The following GRID2 variants were observed in gnomAD, a reference collection of about 807,000 sequenced individuals.
The protein encoded by GRID2 is glutamate receptor ionotropic, delta-2.
In GRID2, 33 loss-of-function variants were observed where a neutral mutation model predicts 114.8. The observed-to-expected ratio is 0.29, with a 90% CI of 0.22 to 0.38. The LOEUF is 0.38. Ranked by LOEUF, GRID2 falls within the 10% of genes least tolerant of loss-of-function variation. The pLI, the probability that GRID2 is intolerant of heterozygous loss-of-function variation, is 1.00. For missense variants in GRID2, 1,184 were observed against 1,257.7 expected, an observed-to-expected ratio of 0.94 and a Z score of 0.89; for synonymous variants, 505 against 449.9, an observed-to-expected ratio of 1.12 and a Z score of -1.55.
At chr4:92,518,977 A>C (rs1724641783) in intron 1 of GRID2, among the ~76,000 whole-genome samples, 1 of 151,872 alleles carries the variant, frequency 6.6e-6, no homozygotes, top group African/African-American at 2.4e-5. Flanking sequence ...GATACTGGAT[A>C]ATTTTCTGAC....
chr4:92,585,510 T>C (rs567165359), intron 1 of GRID2, among the ~76,000 whole-genome samples: 3 of 152,152 alleles, frequency 2.0e-5, no homozygotes, highest in East Asian at 3.9e-4. Context: ...GATGATATGC[T>C]ATTGATTTGC....
intron 13 of GRID2, among the ~76,000 whole-genome samples, chr4:93,591,303 A>G (rs1358297215): frequency 6.6e-6 from 1 of 151,920 alleles, no homozygotes. Context: ...TTCTGCATCT[A>G]TTGATATAAT....
chr4:92,476,399 C>T (rs1023439998), intron 1 of GRID2, among the ~76,000 whole-genome samples: 3 of 152,044 alleles, frequency 2.0e-5, no homozygotes, highest in Non-Finnish European at 4.4e-5. Context: ...TATTTAAACA[C>T]GACAACAATC....
chr4:93,032,645 A>G (rs1560812799), intron 2 of GRID2, among the ~76,000 whole-genome samples: 1 of 152,210 alleles, frequency 6.6e-6, no homozygotes. Context: ...AAGCAATCCA[A>G]TGCATTTATT....
chr4:92,731,402 G>C (rs1490940112), intron 2 of GRID2, among the ~76,000 whole-genome samples: 2 of 151,808 alleles, frequency 1.3e-5, no homozygotes. Context: ...CAACAACCTA[G>C]TAAAGTAGCA....
chr4:92,381,993 A>C (rs1350471913), intron 1 of GRID2, among the ~76,000 whole-genome samples: 1 of 151,946 alleles, frequency 6.6e-6, no homozygotes, highest in Non-Finnish European at 1.5e-5. Context: ...CTAAGTGGAA[A>C]TAGGATTTTT....
chr4:92,863,309 T>C (rs1013492851), intron 2 of GRID2, among the ~76,000 whole-genome samples: 1 of 152,128 alleles, frequency 6.6e-6, no homozygotes, highest in Non-Finnish European at 1.5e-5. Flanking sequence ...CTCTTTGTGC[T>C]CCTCTCTGTA....
chr4:93,682,779 T>C (rs561609030), intron 14 of GRID2, among the ~76,000 whole-genome samples: 3 of 79,876 alleles, frequency 3.8e-5, no homozygotes, highest in African/African-American at 1.5e-4. Flanking sequence ...TGGGGACTGT[T>C]GTGGGGTTGG....
chr4:93,339,771 C>T (rs930490090), intron 8 of GRID2, among the ~76,000 whole-genome samples: 6 of 152,092 alleles, frequency 3.9e-5, no homozygotes, highest in Non-Finnish European at 5.9e-5. Flanking sequence ...ACTCACAGTT[C>T]AGCATGGCTG....
chr4:93,791,283 A>G (rs1734689739), intron 1 of GRID2, among the ~76,000 whole-genome samples: 1 of 152,244 alleles, frequency 6.6e-6, no homozygotes, highest in African/African-American at 2.4e-5. Flanking sequence ...AGACTTTTAA[A>G]TATGCACCAC....
intron 3 of GRID2, among the ~76,000 whole-genome samples, chr4:93,104,756 C>T (rs543552952): frequency 8.0e-4 from 122 of 152,202 alleles, no homozygotes; most frequent in African/African-American, 2.8e-3. Flanking sequence ...TGAATAGTGC[C>T]GTGATAAACA....
At chr4:92,990,309 G>A (rs7437849) in intron 2 of GRID2, among the ~76,000 whole-genome samples, 6,377 of 104,138 alleles carry the variant, frequency 0.061, 248 homozygotes, top group Non-Finnish European at 0.077. Flanking sequence ...ATATATATGT[G>A]TGTGTGTGTG....
At chr4:92,907,421 T>A (rs1287918584) in intron 2 of GRID2, among the ~76,000 whole-genome samples, 1 of 151,970 alleles carries the variant, frequency 6.6e-6, no homozygotes, top group African/African-American at 2.4e-5. Context: ...AGTTTTAAAT[T>A]TTTTTTTGAG....
intron 2 of GRID2, among the ~76,000 whole-genome samples, chr4:92,757,515 T>C (rs1379820354): frequency 6.6e-6 from 1 of 152,116 alleles, no homozygotes; most frequent in East Asian, 1.9e-4. Flanking sequence ...AGAAATCATA[T>C]GTATGTACAA....
chr4:93,456,139 C>A (rs781271076), intron 11 of GRID2, among the ~76,000 whole-genome samples, 165 bp downstream of exon 11: 1 of 152,158 alleles, frequency 6.6e-6, no homozygotes, highest in African/African-American at 2.4e-5. Context: ...CCTAGTGGAT[C>A]TCAGACACAC....
intron 9 of GRID2, among the ~76,000 whole-genome samples, chr4:93,415,835 C>T (rs1212997190): frequency 1.3e-5 from 2 of 151,624 alleles, no homozygotes; most frequent in Non-Finnish European, 2.9e-5. Flanking sequence ...TAATTGCTTA[C>T]AGAATAGAAA....
chr4:92,926,767 G>T (rs1328649815), intron 2 of GRID2, among the ~76,000 whole-genome samples: 1 of 151,906 alleles, frequency 6.6e-6, no homozygotes, highest in African/African-American at 2.4e-5. Context: ...GTCCGAGATT[G>T]AGAGACCACA....
At position 93,798,500 on chromosome 4, in the gene GRID2, C is replaced by T. The variant is rs116273536; in HGVS notation, c.222-8215C>T. On this transcript the variant is annotated intron_variant, in intron 1 of 1. Coordinates refer to the GRID2 transcript ENST00000637838. Reference sequence around the variant, plus strand: ...GGTTGGAGGGAAAGGTGAATGAAAACCTTGGGAATGACTATGATCGGATTC... The same window carrying T: ...GGTTGGAGGGAAAGGTGAATGAAAATCTTGGGAATGACTATGATCGGATTC... Among the ~76,000 whole-genome samples the T allele has an allele frequency of 2.7e-3, 414 of 152,150 alleles. 4 individuals are homozygous for T. The highest frequency in any genetic ancestry group is 9.5e-3 in the African/African-American group (396 of 41,510).
chr4:93,007,969 A>C (rs1356917992), intron 2 of GRID2, among the ~76,000 whole-genome samples: 1 of 142,556 alleles, frequency 7.0e-6, no homozygotes, highest in Non-Finnish European at 1.5e-5. Flanking sequence ...CAGGAAGTGG[A>C]GGTTGCAGTG....
Sources: gnomAD v4.1 joint callset for allele counts (sites outside exome capture counted in the v4.1 genomes callset) on GRCh38, gnomAD v4.1.1 for gene constraint, MANE v1.5 for transcripts, NCBI Gene and HGNC (gene_info 2026-07-23, HGNC 2026-07-21) for gene names.